PALM2AKAP2: variants seen among roughly 807,000 people sequenced by gnomAD.
PALM2AKAP2 encodes PALM2-AKAP2 fusion protein.
A neutral mutation model predicts 71.5 loss-of-function variants in PALM2AKAP2; 37 were observed. The ratio of observed to expected loss-of-function variants is 0.52; its 90% CI spans 0.40 to 0.68. The LOEUF (loss-of-function observed/expected upper bound fraction) is 0.68, where lower values mean the gene tolerates loss of function less well. Ranked by LOEUF, PALM2AKAP2 falls within the 30% of genes least tolerant of loss-of-function variation. The pLI, the probability that PALM2AKAP2 is intolerant of heterozygous loss-of-function variation, is 0.00. For missense variants in PALM2AKAP2, 1,224 were observed against 1,191.8 expected (o/e 1.03, Z -0.40); for synonymous variants, 468 against 478.8 (o/e 0.98, Z 0.29).
intron 6 of PALM2AKAP2, among the ~76,000 whole-genome samples, chr9:109,977,037 A>G (rs934401654): frequency 6.6e-6 from 1 of 152,146 alleles, no homozygotes; most frequent in Admixed American, 6.5e-5. Context: ...TGTTTAAAAA[A>G]AAAAAAGCAA....
At chr9:109,645,154 G>A (rs933023868) in intron 1 of PALM2AKAP2, among the ~76,000 whole-genome samples, 1 of 152,198 alleles carries the variant, frequency 6.6e-6, no homozygotes, top group African/African-American at 2.4e-5. Flanking sequence ...AGGTTTAATG[G>A]TGAACTCACA....
intron 1 of PALM2AKAP2, among the ~76,000 whole-genome samples, chr9:109,728,344 C>T (rs1195366358): frequency 6.6e-6 from 1 of 152,250 alleles, no homozygotes; most frequent in Non-Finnish European, 1.5e-5. Flanking sequence ...CCTTACATCT[C>T]ATAGTTAATC....
intron 1 of PALM2AKAP2, among the ~76,000 whole-genome samples, chr9:109,831,719 GA>G (rs1828305998): frequency 6.6e-6 from 1 of 152,144 alleles, no homozygotes; most frequent in African/African-American, 2.4e-5. Context: ...ACCATCAGTA[GA>G]AAATACTAAA....
rs1328228949 is a variant in PALM2AKAP2, at chr9:109,929,184, TTTC to T, written c.395-2740_395-2738del. 6.8e-5 allele frequency among the ~76,000 whole-genome samples: 8 copies of T among 117,648 alleles called. No homozygotes were observed. In the East Asian group the frequency reaches 1.5e-3, roughly 22 times the overall value. The allele number at this position is 117,648 out of a possible 152,430, so 77.2% of individuals were successfully genotyped here. ...TCTGTAAGTAGTTTTTTTTTTTTTG[TTTC>T]TTTTTTAAACTGCTAAAACATTGAG... On this transcript the variant is annotated intron_variant, in intron 5 of 9. Coordinates refer to the PALM2AKAP2 transcript ENST00000302798.
intron 1 of PALM2AKAP2, among the ~76,000 whole-genome samples, chr9:109,865,283 T>A (rs1052661307): frequency 4.6e-5 from 7 of 151,700 alleles, no homozygotes; most frequent in Non-Finnish European, 2.9e-5. Flanking sequence ...ATTTTTAGTA[T>A]AGATGGGGTT....
chr9:109,641,639 C>T (rs1352619028), intron 1 of PALM2AKAP2, among the ~76,000 whole-genome samples: 1 of 152,162 alleles, frequency 6.6e-6, no homozygotes, highest in African/African-American at 2.4e-5. Flanking sequence ...AGCAGGACCA[C>T]TCTGACAGGC....
At chr9:109,941,145 CTTTTT>C (rs34635858) in intron 6 of PALM2AKAP2, among the ~76,000 whole-genome samples, 4 of 106,282 alleles carry the variant, frequency 3.8e-5, no homozygotes, top group Admixed American at 3.1e-4. Flanking sequence ...TCTTCCTCTT[CTTTTT>C]TTTTTTTTTT....
chr9:110,108,265 C>T (rs1835164714), intron 1 of PALM2AKAP2, among the ~76,000 whole-genome samples: 1 of 151,856 alleles, frequency 6.6e-6, no homozygotes, highest in African/African-American at 2.4e-5. Flanking sequence ...GTGCCTGCCA[C>T]CACGCCCAGC....
At chr9:109,895,281 G>A (rs1425077076) in intron 3 of PALM2AKAP2, among the ~76,000 whole-genome samples, 1 of 152,232 alleles carries the variant, frequency 6.6e-6, no homozygotes, top group Non-Finnish European at 1.5e-5. Context: ...CTTCCATGCA[G>A]TGGAGTCTGC....
At chr9:109,935,837 TG>T (rs1272732048) in intron 6 of PALM2AKAP2, among the ~76,000 whole-genome samples, 1 of 152,214 alleles carries the variant, frequency 6.6e-6, no homozygotes, top group East Asian at 1.9e-4. Flanking sequence ...TGCAGTGCTA[TG>T]TTATTTTCCA....
chr9:110,086,420 C>A (rs1385521244), intron 1 of PALM2AKAP2, among the ~76,000 whole-genome samples: 1 of 152,178 alleles, frequency 6.6e-6, no homozygotes, highest in Non-Finnish European at 1.5e-5. Flanking sequence ...TAAATGTTTG[C>A]TGGATTTGAA....
intron 6 of PALM2AKAP2, among the ~76,000 whole-genome samples, chr9:109,959,078 C>G (rs1378611664): frequency 1.3e-5 from 2 of 152,176 alleles, no homozygotes; most frequent in Admixed American, 6.5e-5. Context: ...ACTGCAGACA[C>G]GTGCCACTGC....
intron 1 of PALM2AKAP2, among the ~76,000 whole-genome samples, chr9:109,679,427 G>A (rs1026365490): frequency 4.6e-5 from 7 of 152,154 alleles, no homozygotes; most frequent in African/African-American, 1.7e-4. Context: ...CACCAGGTGG[G>A]AGTAAATTGC....
chr9:109,689,725 C>T (rs1043895098), intron 1 of PALM2AKAP2, among the ~76,000 whole-genome samples: 1 of 152,184 alleles, frequency 6.6e-6, no homozygotes, highest in Non-Finnish European at 1.5e-5. Flanking sequence ...CTGTAAATCC[C>T]AGCCTGGGGA....
intron 1 of PALM2AKAP2, among the ~76,000 whole-genome samples, chr9:109,753,046 C>T (rs1828907623): frequency 1.3e-5 from 2 of 152,140 alleles, no homozygotes; most frequent in Admixed American, 6.6e-5. Flanking sequence ...GTCATAGTGT[C>T]CCGCTTCCTC....
At chr9:109,797,686 G>A (rs756011272) in intron 1 of PALM2AKAP2, among the ~76,000 whole-genome samples, 2 of 152,206 alleles carry the variant, frequency 1.3e-5, no homozygotes, top group Non-Finnish European at 2.9e-5. Context: ...GGCATGTGTG[G>A]GAAGCAGGCG....
chr9:109,989,590 C>T (rs922886075), intron 6 of PALM2AKAP2, among the ~76,000 whole-genome samples: 2 of 152,192 alleles, frequency 1.3e-5, no homozygotes, highest in Non-Finnish European at 2.9e-5. Context: ...TTTGTTACTC[C>T]AAATAGGTTA....
At position 109,870,099 on chromosome 9, in the gene PALM2AKAP2, A is replaced by T. The variant is rs7026042; in HGVS notation, c.126+2528A>T. On this transcript the variant is annotated intron_variant, in intron 2 of 9. Transcript: ENST00000302798. ...GGTCCTGAATTTCTGTATGCTGGTGAGGTGGGGTCAGTGGTAAGGTGAGGA... is the reference window on the plus strand; with the variant it reads ...GGTCCTGAATTTCTGTATGCTGGTGTGGTGGGGTCAGTGGTAAGGTGAGGA... Among the ~76,000 whole-genome samples, 500 of 152,274 alleles carry T rather than the reference A, an allele frequency of 3.3e-3. 4 individuals are homozygous for T. The highest frequency in any genetic ancestry group is 0.012 in the African/African-American group (481 of 41,558).
chr9:109,662,417 G>T (rs1042706808), intron 1 of PALM2AKAP2, among the ~76,000 whole-genome samples: 1 of 152,164 alleles, frequency 6.6e-6, no homozygotes, highest in Non-Finnish European at 1.5e-5. Flanking sequence ...TGCATCTATT[G>T]AGATAATCAT....
Sources: gnomAD v4.1 joint callset for allele counts (sites outside exome capture counted in the v4.1 genomes callset) on GRCh38, gnomAD v4.1.1 for gene constraint, MANE v1.5 for transcripts, NCBI Gene and HGNC (gene_info 2026-07-23, HGNC 2026-07-21) for gene names.